TNS1: variants seen among roughly 807,000 people sequenced by gnomAD.
TNS1 encodes tensin 1, also known as tensin-1.
In TNS1, 62 loss-of-function variants were observed where a neutral mutation model predicts 168.6. The observed-to-expected ratio is 0.37, with a 90% confidence interval of 0.30 to 0.45. TNS1 has a LOEUF of 0.45. Among genes scored for constraint, TNS1 ranks in the 20% least tolerant of loss-of-function variants. The pLI is 1.00. For missense variants in TNS1, 2,240 were observed against 2,339.4 expected (o/e 0.96, Z 0.88); for synonymous variants, 934 against 933.2 (o/e 1.00, Z -0.02).
intron 18 of TNS1, among the ~76,000 whole-genome samples, chr2:217,874,572 T>TG (rs750873248): frequency 2.0e-5 from 3 of 152,018 alleles, no homozygotes; most frequent in Non-Finnish European, 4.4e-5. Context: ...CTCCCAAGAG[T>TG]GGGGTTCCCA....
upstream of TNS1, among the ~76,000 whole-genome samples, chr2:218,014,718 C>T (rs1205676122): frequency 6.6e-6 from 1 of 152,162 alleles, no homozygotes; most frequent in Non-Finnish European, 1.5e-5. Flanking sequence ...TGGCTTCTTC[C>T]CTGTCTCACC....
chr2:218,006,661 C>T (rs1958659737), upstream of TNS1, among the ~76,000 whole-genome samples: 2 of 152,156 alleles, frequency 1.3e-5, no homozygotes, highest in Admixed American at 6.5e-5. Context: ...GAGGACAGGC[C>T]CCAGCTGAGG....
chr2:217,844,041 C>T (rs1019053571), intron 19 of TNS1, among the ~76,000 whole-genome samples: 1 of 152,280 alleles, frequency 6.6e-6, no homozygotes, highest in South Asian at 2.1e-4. Context: ...ACGTCCTCCT[C>T]CTGCCTTCCT....
intron 3 of TNS1, among the ~76,000 whole-genome samples, chr2:217,929,999 C>G (rs889069249): frequency 6.6e-6 from 1 of 152,248 alleles, no homozygotes; most frequent in Non-Finnish European, 1.5e-5. Flanking sequence ...TCTTGCATAG[C>G]TCCCAGCTCA....
intron 18 of TNS1, chr2:217,879,583 G>A (rs1279017554): frequency 3.3e-6 from 1 of 300,210 alleles, no homozygotes; most frequent in South Asian, 2.4e-5. Context: ...AATGTTGCAC[G>A]TAAAAAAATG....
rs1321173766 is a variant in TNS1, at chr2:217,886,543, A to G, written c.970T>C (p.Ser324Pro). The G allele has an allele frequency of 1.3e-6, 2 of 1,598,072 alleles. No homozygotes were observed. Among genetic ancestry groups the G allele is most frequent in the South Asian group, 2.3e-5 (2 of 87,522 alleles). The change falls in exon 13 of 33, where the codon TCT becomes CCT. Residue 324 changes from serine (S) to proline (P), a missense_variant. Around this residue, in one of 2 missense-constraint regions of TNS1, gnomAD observed 2,131 missense variants for 2,171.2 expected, o/e 0.98. Coordinates refer to ENST00000682258, the MANE Select transcript of TNS1 (RefSeq NM_001387777.1). ...VIMHGIPNFE[S>P]KGGCRPFLRI... ...GGCTCAAGGCAGGTACCTCCTTTAG[A>G]CTCAAAGTTGGGGATGCCGTGCATG...
In TNS1 at chr2:217,812,399, G is replaced by C; in HGVS notation, c.5001C>G (p.Ala1667=). 6.2e-7 allele frequency: 1 copy of C among 1,614,136 alleles called. No homozygotes were observed. Among genetic ancestry groups the C allele is most frequent in the Non-Finnish European group, 8.5e-7 (1 of 1,180,034 alleles). ...LVYQHSIIPL[A]LPCKLVIPNR... is the part of the protein sequence containing the mutation. ...TTGGAATGACCAGCTTGCAAGGCAG[G>C]GCCAATGGGATGATGGAGTGCTGGT... Residue 1667 remains alanine (A), a synonymous_variant, in exon 28 of 33, where the codon GCC becomes GCG. Coordinates refer to ENST00000682258, the MANE Select transcript of TNS1 (RefSeq NM_001387777.1).
In TNS1 at chr2:217,940,822, A is replaced by G. The variant is rs1956873041; in HGVS notation, c.187-20586T>C. Among the ~76,000 whole-genome samples the G allele has an allele frequency of 2.0e-5, 3 of 152,052 alleles. No homozygotes were observed. In the South Asian group the frequency reaches 6.2e-4, roughly 32 times the overall value. On this transcript the variant is annotated intron_variant, in intron 3 of 32. Transcript: ENST00000682258. ...CAGGGTGGGTTTCAAGCCCACCCGG[A>G]AGCACTCACGGGCACTTCCATCATG...
intron 18 of TNS1, among the ~76,000 whole-genome samples, chr2:217,865,529 G>A (rs940126059): frequency 5.3e-5 from 8 of 152,242 alleles, no homozygotes; most frequent in Non-Finnish European, 1.2e-4. Context: ...TGGAGAAGGA[G>A]AAGAACACAC....
rs1343045351 is a variant in TNS1, at chr2:217,809,255, G to A, written c.5273+568C>T. On this transcript the variant is annotated intron_variant, in intron 30 of 32. Coordinates refer to ENST00000682258, the MANE Select transcript of TNS1 (RefSeq NM_001387777.1). ...TGGATGGATGGATGGATGGATGCATGGATGGATGGATGGATGGATGGATGC... is the reference window on the plus strand; with the variant it reads ...TGGATGGATGGATGGATGGATGCATAGATGGATGGATGGATGGATGGATGC... Among the ~76,000 whole-genome samples the A allele has an allele frequency of 1.3e-3, 93 of 72,324 alleles. 1 individual carries two copies. The highest frequency in any genetic ancestry group is 3.5e-3 in the East Asian group (9 of 2,606). 47.4% of individuals were successfully genotyped at this position (72,324 alleles called of 152,430 possible).
chr2:217,835,165 G>C lies in TNS1; in HGVS notation c.3206C>G (p.Pro1069Arg), dbSNP rs753507838. Residue 1069 changes from proline (P) to arginine (R), a missense_variant and splice_region_variant, in exon 21 of 33, where the codon CCC becomes CGC. By Grantham distance (103) the Pro-to-Arg change is moderately radical (BLOSUM62 -2). Coordinates refer to ENST00000682258, the MANE Select transcript of TNS1 (RefSeq NM_001387777.1). ...GGCCTCCTTGTAGCTGTGCAAATGG[G>C]GCTGTGGGAGAACACAGGGGAGAAA... ...ALNPGGRPKE[P>R]HLHSYKEAFE... The C allele has an allele frequency of 5.6e-6, 9 of 1,602,076 alleles. No homozygotes were observed. Among genetic ancestry groups the C allele is most frequent in the Middle Eastern group, 1.7e-4 (1 of 6,022 alleles).
At chr2:217,998,774 AC>A (rs1958512361) in intron 1 of TNS1, among the ~76,000 whole-genome samples, 1 of 152,192 alleles carries the variant, frequency 6.6e-6, no homozygotes, top group African/African-American at 2.4e-5. Context: ...TGCTGGGATC[AC>A]AGGTGTGACC....
At chr2:217,889,778 G>T (rs1951559096) in intron 12 of TNS1, among the ~76,000 whole-genome samples, 1 of 152,230 alleles carries the variant, frequency 6.6e-6, no homozygotes, top group Non-Finnish European at 1.5e-5. Context: ...GTGCAGAATG[G>T]TGCTGACATC....
chr2:217,858,680 A>ACACACACACACACC (rs1265760772), intron 18 of TNS1: 6 of 193,694 alleles, frequency 3.1e-5, no homozygotes, highest in African/African-American at 9.8e-5. Flanking sequence ...GTACACACAC[A>ACACACACACACACC]CACACACACA....
chr2:217,844,661 G>A (rs555281618), intron 19 of TNS1, among the ~76,000 whole-genome samples: 53 of 152,140 alleles, frequency 3.5e-4, no homozygotes, highest in African/African-American at 1.0e-3. Flanking sequence ...GACAGCAATC[G>A]CTTCACCTCT....
chr2:217,971,052 G>A (rs1957763709), intron 3 of TNS1, among the ~76,000 whole-genome samples: 2 of 152,340 alleles, frequency 1.3e-5, no homozygotes, highest in South Asian at 4.1e-4. Context: ...TGCAAAGGAA[G>A]TGCACATGGG....
At chr2:217,855,259 T>C (rs1284882614) in intron 18 of TNS1, among the ~76,000 whole-genome samples, 3 of 152,216 alleles carry the variant, frequency 2.0e-5, no homozygotes, top group East Asian at 1.9e-4. Context: ...CAACTCTTCA[T>C]ATGCTCTTTC....
At chr2:217,943,101 G>A (rs1401941735) in intron 3 of TNS1, among the ~76,000 whole-genome samples, 1 of 152,136 alleles carries the variant, frequency 6.6e-6, no homozygotes, top group Non-Finnish European at 1.5e-5. Flanking sequence ...GGAGCAGGGG[G>A]AAGGCAGCTG....
chr2:217,966,297 GT>G (rs1957629567), intron 3 of TNS1, among the ~76,000 whole-genome samples: 1 of 149,406 alleles, frequency 6.7e-6, no homozygotes, highest in Non-Finnish European at 1.5e-5. Flanking sequence ...GTGTGTGTGT[GT>G]GTGTGTGTGT....
Sources: allele counts gnomAD v4.1 joint callset (sites outside exome capture counted in the v4.1 genomes callset), GRCh38; gene constraint gnomAD v4.1.1; regional missense constraint gnomAD v4.1.1; transcripts MANE v1.5; gene names NCBI Gene and HGNC (gene_info 2026-07-23, HGNC 2026-07-21).